SPATS2L: variants seen among roughly 807,000 people sequenced by gnomAD.
The protein encoded by SPATS2L is SPATS2-like protein.
In SPATS2L, 30 loss-of-function variants were observed where a neutral mutation model predicts 59.6. That is an observed-to-expected ratio of 0.50 (90% CI 0.38 to 0.68). The LOEUF is 0.68. Ranked by LOEUF, SPATS2L falls within the 30% of genes least tolerant of loss-of-function variation. The pLI is 0.00. For missense variants in SPATS2L, 615 were observed against 700.0 expected, an observed-to-expected ratio of 0.88 and a Z score of 1.37; for synonymous variants, 252 against 263.5, an observed-to-expected ratio of 0.96 and a Z score of 0.42.
chr2:200,381,425 G>A (rs1193504237), intron 2 of SPATS2L, among the ~76,000 whole-genome samples: 2 of 152,182 alleles, frequency 1.3e-5, no homozygotes, highest in East Asian at 3.9e-4. Flanking sequence ...CCACAGTGTG[G>A]CCTGTCAGGA....
rs930428969 is a variant in SPATS2L, at chr2:200,390,402, A to T, written c.39+1119A>T. 3.3e-5 allele frequency: 5 copies of T among 152,478 alleles called. No individual in the cohort carries two copies. The South Asian group carries it at 8.3e-4, about 25-fold the overall frequency. The allele number at this position is 152,478 out of a possible 1,614,324, so 9.4% of individuals were successfully genotyped here. On this transcript the variant is annotated intron_variant, in intron 3 of 12. Transcript: ENST00000409140. ...ATGAACACAGTTGTTCCAGGCGGTG[A>T]TAACAACTGTGGAGAAAACAGCAGG...
At chr2:200,382,909 C>T (rs1331674289) in intron 2 of SPATS2L, among the ~76,000 whole-genome samples, 1 of 152,150 alleles carries the variant, frequency 6.6e-6, no homozygotes, top group African/African-American at 2.4e-5. Flanking sequence ...AGGAAACTGG[C>T]TTTCCCCTTA....
chr2:200,412,266 T>A (rs2105988129), intron 3 of SPATS2L, 45 bp from the exon 4 acceptor site: 1 of 1,193,838 alleles, frequency 8.4e-7, no homozygotes, highest in Non-Finnish European at 1.2e-6. Flanking sequence ...GAAAAATATT[T>A]AAAGTGTTCA....
chr2:200,472,926 T>G lies in SPATS2L; in HGVS notation c.1155T>G (p.Ser385Arg), dbSNP rs746041619. 6.2e-7 allele frequency: 1 copy of G among 1,613,430 alleles called. No homozygotes were observed. Among genetic ancestry groups the G allele is most frequent in the South Asian group, 1.1e-5 (1 of 91,068 alleles). Residue 385 changes from serine (S) to arginine (R), a missense_variant, in exon 12 of 13, where the codon AGT becomes AGG. Coordinates refer to ENST00000409140, the MANE Select transcript of SPATS2L (RefSeq NM_001100423.2). ...ACGCAGCAACCTCTGGGAAACAGAGTAACTTTTCCCGAAAATCATCCACTC... is the reference window on the plus strand; with the variant it reads ...ACGCAGCAACCTCTGGGAAACAGAGGAACTTTTCCCGAAAATCATCCACTC... ...NAHAATSGKQSNFSRKSSTHN... is the reference protein window; with the variant it reads ...NAHAATSGKQRNFSRKSSTHN...
chr2:200,424,796 TG>T lies in SPATS2L; in HGVS notation c.445+5304del, dbSNP rs576178884. ...CATCAGCAGCTTCCCAGAGATAAAC[TG>T]GGGCAGGGCTTTCCCTCTCTTGAGC... On this transcript the variant is annotated intron_variant, in intron 6 of 12. Coordinates refer to ENST00000409140, the MANE Select transcript of SPATS2L (RefSeq NM_001100423.2). Among the ~76,000 whole-genome samples the T allele has an allele frequency of 9.9e-5, 15 of 152,264 alleles. No individual in the cohort carries two copies. In the East Asian group the frequency reaches 2.7e-3, roughly 28 times the overall value.
intron 9 of SPATS2L, among the ~76,000 whole-genome samples, chr2:200,463,959 A>G (rs1322533581): frequency 6.6e-6 from 1 of 152,220 alleles, no homozygotes; most frequent in East Asian, 1.9e-4. Flanking sequence ...CAAGCTTCCA[A>G]TGTGTTTCAA....
intron 6 of SPATS2L, among the ~76,000 whole-genome samples, chr2:200,425,131 C>G (rs1574477124): frequency 1.1e-4 from 1 of 8,798 alleles, no homozygotes; most frequent in African/African-American, 2.6e-4. Context: ...TCCCCCCGCC[C>G]CCCCCCCCCC....
intron 6 of SPATS2L, among the ~76,000 whole-genome samples, chr2:200,438,910 A>G (rs763439698): frequency 1.3e-5 from 2 of 152,144 alleles, no homozygotes; most frequent in Admixed American, 1.3e-4. Context: ...GAGCCAAAAC[A>G]TGCCCAGGTC....
intron 2 of SPATS2L, among the ~76,000 whole-genome samples, chr2:200,339,015 G>A (rs1042427514): frequency 6.6e-6 from 1 of 152,174 alleles, no homozygotes; most frequent in African/African-American, 2.4e-5. Context: ...AAAGATTTGG[G>A]TACAAAGTAC....
intron 8 of SPATS2L, among the ~76,000 whole-genome samples, chr2:200,443,180 C>A (rs2084813312): frequency 1.3e-5 from 2 of 152,162 alleles, no homozygotes. Flanking sequence ...AATGAGCTTG[C>A]AGCCCAGCAA....
Position 200,479,524 on chromosome 2 carries a change from T to C in SPATS2L, c.*1493T>C, listed in dbSNP as rs1053727841. 7.5e-6 allele frequency: 3 copies of C among 398,260 alleles called. No individual in the cohort carries two copies. The highest frequency in any genetic ancestry group is 6.2e-5 in the African/African-American group (3 of 48,564). 24.7% of individuals were successfully genotyped at this position (398,260 alleles called of 1,614,324 possible). A position where few individuals can be genotyped will look rare whatever the true frequency, so the allele number is the denominator to read the frequency against. On this transcript the variant is annotated 3_prime_UTR_variant, in exon 13 of 13. Transcript: ENST00000409140. ...CCTGGGTGTGGCCATCTTCCCAGAGTTCCTGAGCTAGATGGAGAAGGGGTA... is the reference window on the plus strand; with the variant it reads ...CCTGGGTGTGGCCATCTTCCCAGAGCTCCTGAGCTAGATGGAGAAGGGGTA...
intron 4 of SPATS2L, among the ~76,000 whole-genome samples, chr2:200,413,509 C>T (rs1248454556): frequency 6.6e-6 from 1 of 152,198 alleles, no homozygotes; most frequent in Admixed American, 6.5e-5. Flanking sequence ...TACTTGTCCT[C>T]AGTTATCATA....
At chr2:200,356,745 A>G (rs933910094) in intron 2 of SPATS2L, among the ~76,000 whole-genome samples, 2 of 152,176 alleles carry the variant, frequency 1.3e-5, no homozygotes, top group African/African-American at 4.8e-5. Flanking sequence ...AATACTCTAG[A>G]TTGTGTAGTT....
intron 1 of SPATS2L, among the ~76,000 whole-genome samples, chr2:200,310,927 T>C (rs768813915): frequency 3.1e-4 from 47 of 152,246 alleles, no homozygotes; most frequent in South Asian, 8.3e-4. Flanking sequence ...TTCTGCCCTT[T>C]TGTTTGCATC....
chr2:200,452,294 C>T (rs1284621478), intron 8 of SPATS2L, among the ~76,000 whole-genome samples: 1 of 152,162 alleles, frequency 6.6e-6, no homozygotes, highest in African/African-American at 2.4e-5. Flanking sequence ...ATAGATTTTT[C>T]AGTTGAACAT....
chr2:200,438,530 C>G (rs373647047), intron 6 of SPATS2L, among the ~76,000 whole-genome samples: 1 of 152,164 alleles, frequency 6.6e-6, no homozygotes, highest in Non-Finnish European at 1.5e-5. Flanking sequence ...GAATCTGACT[C>G]CCTAGATTTT....
At chr2:200,391,358 A>G (rs2082168464) in intron 3 of SPATS2L, among the ~76,000 whole-genome samples, 1 of 152,254 alleles carries the variant, frequency 6.6e-6, no homozygotes, top group Non-Finnish European at 1.5e-5. Context: ...AGAGAAGTAC[A>G]TATATTACTG....
chr2:200,376,824 C>T (rs1025522385), intron 2 of SPATS2L, among the ~76,000 whole-genome samples: 7 of 152,174 alleles, frequency 4.6e-5, no homozygotes, highest in African/African-American at 9.7e-5. Context: ...AGCTTCGGGC[C>T]GCCACCCTCT....
At chr2:200,392,564 T>C (rs1468528703) in intron 3 of SPATS2L, among the ~76,000 whole-genome samples, 1 of 152,236 alleles carries the variant, frequency 6.6e-6, no homozygotes, top group Non-Finnish European at 1.5e-5. Context: ...ATTTAAGATT[T>C]TTTGATTTTA....
Sources: allele counts gnomAD v4.1 joint callset (sites outside exome capture counted in the v4.1 genomes callset), GRCh38; gene constraint gnomAD v4.1.1; transcripts MANE v1.5; gene names NCBI Gene and HGNC (gene_info 2026-07-23, HGNC 2026-07-21).